The following EEFSEC variants were observed in gnomAD, a reference collection of about 807,000 sequenced individuals.
EEFSEC encodes eukaryotic elongation factor, selenocysteine-tRNA specific.
Under a neutral mutation model 42.1 loss-of-function variants are expected in EEFSEC, and 43 were observed. The observed-to-expected ratio is 1.02, with a 90% confidence interval of 0.80 to 1.32. The LOEUF is 1.32. Ranked by LOEUF, EEFSEC falls within the 40% of genes most tolerant of loss-of-function variation. EEFSEC has a pLI of 0.00. For missense variants in EEFSEC, 745 were observed against 803.6 expected (o/e 0.93, Z 0.88); for synonymous variants, 354 against 339.1 (o/e 1.04, Z -0.48).
At chr3:128,312,973 A>G (rs947398208) in intron 4 of EEFSEC, among the ~76,000 whole-genome samples, 2 of 152,190 alleles carry the variant, frequency 1.3e-5, no homozygotes, top group East Asian at 3.8e-4. Flanking sequence ...CCTTGGTTAA[A>G]GTCTAGGGTT....
intron 4 of EEFSEC, among the ~76,000 whole-genome samples, chr3:128,328,793 C>T (rs1435938800): frequency 6.6e-6 from 1 of 152,150 alleles, no homozygotes; most frequent in Non-Finnish European, 1.5e-5. Context: ...AGTGCCTCGC[C>T]GTTTTACAGG....
At chr3:128,313,774 G>A (rs2066915373) in intron 4 of EEFSEC, among the ~76,000 whole-genome samples, 1 of 152,224 alleles carries the variant, frequency 6.6e-6, no homozygotes, top group Non-Finnish European at 1.5e-5. Flanking sequence ...ATTTTTGTTA[G>A]TTTACTTTGA....
At chr3:128,384,934 C>G (rs1338270470) in intron 6 of EEFSEC, among the ~76,000 whole-genome samples, 1 of 152,186 alleles carries the variant, frequency 6.6e-6, no homozygotes, top group African/African-American at 2.4e-5. Flanking sequence ...CCCAGACCCC[C>G]CAGTTGCCCC....
intron 6 of EEFSEC, among the ~76,000 whole-genome samples, chr3:128,378,317 C>T (rs1464839206): frequency 1.3e-5 from 2 of 152,192 alleles, no homozygotes; most frequent in African/African-American, 2.4e-5. Flanking sequence ...TTCCAACAGT[C>T]CTCCTCCATC....
chr3:128,266,284 C>T (rs561111533), intron 4 of EEFSEC, among the ~76,000 whole-genome samples: 7 of 152,248 alleles, frequency 4.6e-5, no homozygotes, highest in Admixed American at 2.6e-4. Flanking sequence ...CCACATCACC[C>T]GCTGGGTGAG....
chr3:128,223,616 C>T (rs967965611), intron 1 of EEFSEC, among the ~76,000 whole-genome samples: 1 of 152,194 alleles, frequency 6.6e-6, no homozygotes, highest in East Asian at 1.9e-4. Context: ...AAAGAGTGTA[C>T]CTTTAAGTAA....
intron 1 of EEFSEC, among the ~76,000 whole-genome samples, chr3:128,164,645 A>C (rs1158402440): frequency 6.6e-6 from 1 of 152,166 alleles, no homozygotes; most frequent in African/African-American, 2.4e-5. Context: ...TTGAGATATT[A>C]CATTTTAGAA....
chr3:128,419,606 C>T, the EEFSEC span, among the ~76,000 whole-genome samples: 1 of 152,182 alleles, frequency 6.6e-6, no homozygotes, highest in Non-Finnish European at 1.5e-5. Context: ...CTTATGTTTT[C>T]ATTTTGTTCA....
At chr3:128,196,266 A>G (rs1233542592) in intron 1 of EEFSEC, among the ~76,000 whole-genome samples, 1 of 152,296 alleles carries the variant, frequency 6.6e-6, no homozygotes, top group Non-Finnish European at 1.5e-5. Flanking sequence ...GAACATAAAC[A>G]CAAGAAACAC....
At chr3:128,417,834 G>A in the EEFSEC span, among the ~76,000 whole-genome samples, 109 of 152,118 alleles carry the variant, frequency 7.2e-4, no homozygotes, top group Middle Eastern at 3.4e-3. This position sits in a 1 kb window ranked among gnomAD's most constrained non-coding sequence, Gnocchi z 4.3. Context: ...TGTGCACTCC[G>A]GTTCACATGT....
chr3:128,257,162 C>G (rs906187421), intron 2 of EEFSEC, among the ~76,000 whole-genome samples: 2 of 152,202 alleles, frequency 1.3e-5, no homozygotes, highest in Non-Finnish European at 2.9e-5. Flanking sequence ...CTGGCTTTTT[C>G]TATCCAAGTG....
At chr3:128,272,669 T>C (rs1444294708) in intron 4 of EEFSEC, among the ~76,000 whole-genome samples, 1 of 152,196 alleles carries the variant, frequency 6.6e-6, no homozygotes, top group African/African-American at 2.4e-5. Context: ...GGCATCTCTT[T>C]CCTAGCTGTT....
In EEFSEC at chr3:128,334,930, C is replaced by T. The variant is rs544419741; in HGVS notation, c.787-6303C>T. ...CTGCTGCCCTTCTCACTGCGTACCC[C>T]GCCTGGGACACTGGGGGCCCCTGGG... On this transcript the variant is annotated intron_variant, in intron 4 of 6. Transcript: ENST00000254730. 4.6e-5 allele frequency among the ~76,000 whole-genome samples: 7 copies of T among 152,362 alleles called. No individual in the cohort carries two copies. The South Asian group carries it at 1.0e-3, about 23-fold the overall frequency.
intron 5 of EEFSEC, among the ~76,000 whole-genome samples, chr3:128,352,058 G>T (rs2067393279): frequency 6.6e-6 from 1 of 152,186 alleles, no homozygotes; most frequent in Non-Finnish European, 1.5e-5. Context: ...GATCTCTGAG[G>T]TCTCTTTCCT....
At chr3:128,207,603 ACG>A (rs1491232325) in intron 1 of EEFSEC, among the ~76,000 whole-genome samples, 1 of 145,168 alleles carries the variant, frequency 6.9e-6, no homozygotes, top group East Asian at 2.0e-4. Context: ...ACACACACAC[ACG>A]CTTAACAAGA....
intron 1 of EEFSEC, among the ~76,000 whole-genome samples, chr3:128,189,700 G>T (rs979202658): frequency 2.0e-5 from 3 of 151,690 alleles, no homozygotes; most frequent in African/African-American, 7.3e-5. Flanking sequence ...TGGGACTAAG[G>T]TCCTCACCAC....
chr3:128,214,868 T>C (rs2107837910), intron 1 of EEFSEC, among the ~76,000 whole-genome samples: 1 of 152,370 alleles, frequency 6.6e-6, no homozygotes, highest in East Asian at 1.9e-4. Context: ...AGCTGCGATC[T>C]GGTGTTCCTC....
chr3:128,269,880 G>A (rs2066396161), intron 4 of EEFSEC, among the ~76,000 whole-genome samples: 1 of 152,236 alleles, frequency 6.6e-6, no homozygotes, highest in Non-Finnish European at 1.5e-5. Context: ...CGGGGTTCAG[G>A]CTAGTGATGT....
intron 2 of EEFSEC, among the ~76,000 whole-genome samples, chr3:128,250,508 G>T (rs1484138286): frequency 2.0e-5 from 3 of 152,084 alleles, no homozygotes; most frequent in Non-Finnish European, 2.9e-5. Context: ...TGAAAAGATT[G>T]TCTTTTCCCC....
Sources: allele counts gnomAD v4.1 joint callset (sites outside exome capture counted in the v4.1 genomes callset), GRCh38; gene constraint gnomAD v4.1.1; non-coding constraint Gnocchi (gnomAD v3.1); transcripts MANE v1.5; gene names NCBI Gene and HGNC (gene_info 2026-07-23, HGNC 2026-07-21).